DGKG: variants seen among roughly 807,000 people sequenced by gnomAD.
DGKG encodes the protein diacylglycerol kinase gamma.
Under a neutral mutation model 105.3 loss-of-function variants are expected in DGKG, and 78 were observed. The observed-to-expected ratio is 0.74, with a 90% CI of 0.62 to 0.89. The LOEUF (loss-of-function observed/expected upper bound fraction) is 0.89, where lower values mean the gene tolerates loss of function less well. Among genes scored for constraint, DGKG ranks in the 40% least tolerant of loss-of-function variants. The pLI, the probability that DGKG is intolerant of heterozygous loss-of-function variation, is 0.00. For synonymous variants in DGKG, 346 were observed against 367.1 expected, an observed-to-expected ratio of 0.94 and a Z score of 0.66; for missense variants, 958 against 1,020.1, an observed-to-expected ratio of 0.94 and a Z score of 0.83.
At position 186,222,019 on chromosome 3, in the gene DGKG, T is replaced by C. The variant is rs139082776; in HGVS notation, c.1827-10134A>G. 2.1e-3 allele frequency among the ~76,000 whole-genome samples: 313 copies of C among 152,322 alleles called. 3 individuals are homozygous for C. The highest frequency in any genetic ancestry group is 8.4e-3 in the Admixed American group (128 of 15,298). On this transcript the variant is annotated intron_variant, in intron 20 of 24. Transcript: ENST00000265022. Reference sequence around the variant, plus strand: ...GGGTCGCGCTCTTTTGATCCTCACGTCTACCCCCTGCGGTAGGTACTATGG... The same window carrying C: ...GGGTCGCGCTCTTTTGATCCTCACGCCTACCCCCTGCGGTAGGTACTATGG...
At chr3:186,331,243 C>T (rs1046381820) in intron 1 of DGKG, among the ~76,000 whole-genome samples, 2 of 152,172 alleles carry the variant, frequency 1.3e-5, no homozygotes, top group African/African-American at 2.4e-5. Flanking sequence ...ATGACAACAA[C>T]GGGGCCTTCC....
chr3:186,148,636 G>C lies in DGKG; in HGVS notation c.*1454C>G. 1.0e-6 allele frequency: 1 copy of C among 985,336 alleles called. No individual in the cohort carries two copies. Among genetic ancestry groups the C allele is most frequent in the East Asian group, 1.1e-4 (1 of 8,802 alleles). The allele number at this position is 985,336 out of a possible 1,614,324, so 61.0% of individuals were successfully genotyped here. On this transcript the variant is annotated 3_prime_UTR_variant, in exon 25 of 25. Transcript: ENST00000265022. Reference sequence around the variant, plus strand: ...TTGTAACGGCACCTACTCTCAAGCTGCATTAGCCAAGACACCATGGAAAAG... The same window carrying C: ...TTGTAACGGCACCTACTCTCAAGCTCCATTAGCCAAGACACCATGGAAAAG...
intron 1 of DGKG, among the ~76,000 whole-genome samples, chr3:186,327,159 GTCTCAAA>G (rs1285876891): frequency 6.6e-6 from 1 of 151,962 alleles, no homozygotes; most frequent in African/African-American, 2.4e-5. Context: ...GTGGGATCCC[GTCTCAAA>G]ACAAAAACAA....
At position 186,320,474 on chromosome 3, in the gene DGKG, T is replaced by C; in HGVS notation, c.-15A>G. The C allele has an allele frequency of 1.2e-6, 2 of 1,614,178 alleles. No individual in the cohort carries two copies. The highest frequency in any genetic ancestry group is 1.7e-6 in the Non-Finnish European group (2 of 1,180,018). ...TCTTCACCCATTTTTAAACTTTATG[T>C]GAGTGGCTAAAGGGCAGTGATGGAG... On this transcript the variant is annotated 5_prime_UTR_variant, in exon 2 of 25. Transcript: ENST00000265022.
At chr3:186,154,168 G>A (rs755316569) in intron 24 of DGKG, among the ~76,000 whole-genome samples, 1 of 152,160 alleles carries the variant, frequency 6.6e-6, no homozygotes, top group African/African-American at 2.4e-5. Context: ...TGCATAGAAA[G>A]GCACAAATCT....
intron 20 of DGKG, among the ~76,000 whole-genome samples, chr3:186,216,115 C>A (rs1719280516): frequency 6.6e-6 from 1 of 152,030 alleles, no homozygotes; most frequent in Non-Finnish European, 1.5e-5. Flanking sequence ...TCTCATGCCT[C>A]AGCCTCCTGA....
intron 2 of DGKG, among the ~76,000 whole-genome samples, chr3:186,315,673 A>AAT (rs1344644418): frequency 2.0e-5 from 3 of 152,214 alleles, no homozygotes; most frequent in Admixed American, 2.0e-4. Context: ...AAAAAAAAAA[A>AAT]AAATCTCTGC....
chr3:186,246,025 G>T (rs1720926235), intron 19 of DGKG, among the ~76,000 whole-genome samples: 1 of 152,030 alleles, frequency 6.6e-6, no homozygotes, highest in African/African-American at 2.4e-5. Context: ...AGCCTGGAGT[G>T]CAGTGCCATG....
chr3:186,185,378 A>G (rs890957020), intron 22 of DGKG, among the ~76,000 whole-genome samples: 3 of 152,194 alleles, frequency 2.0e-5, no homozygotes, highest in Non-Finnish European at 4.4e-5. Context: ...GATTTGGGGA[A>G]GAGAGTTCCT....
chr3:186,260,893 G>C (rs1469228273), intron 15 of DGKG, among the ~76,000 whole-genome samples: 1 of 152,238 alleles, frequency 6.6e-6, no homozygotes, highest in Admixed American at 6.5e-5. Flanking sequence ...GCCCTCTGCA[G>C]ACTGTACAAA....
chr3:186,161,433 A>C, intron 24 of DGKG, 170 bp downstream of exon 24: 2 of 1,441,040 alleles, frequency 1.4e-6, no homozygotes, highest in Non-Finnish European at 1.8e-6. Flanking sequence ...TTTCATTAAG[A>C]GTTGCCAGGT....
chr3:186,343,548 A>G (rs1449149337), intron 1 of DGKG, among the ~76,000 whole-genome samples: 1 of 152,090 alleles, frequency 6.6e-6, no homozygotes, highest in African/African-American at 2.4e-5. Flanking sequence ...CTGCCTCCCA[A>G]AGTGCTGGGA....
intron 17 of DGKG, 100 bp downstream of exon 17, chr3:186,257,754 C>A: frequency 1.2e-6 from 1 of 830,922 alleles, no homozygotes; most frequent in Non-Finnish European, 2.0e-6. Flanking sequence ...CAAGGATGAA[C>A]AGACATGGCT....
intron 20 of DGKG, among the ~76,000 whole-genome samples, chr3:186,213,730 G>A (rs73180315): frequency 6.6e-6 from 1 of 152,108 alleles, no homozygotes; most frequent in Non-Finnish European, 1.5e-5. Flanking sequence ...GTTGTGGAAC[G>A]GGGCCCAGGA....
At chr3:186,352,279 T>G (rs1726671249) in intron 1 of DGKG, among the ~76,000 whole-genome samples, 1 of 152,148 alleles carries the variant, frequency 6.6e-6, no homozygotes, top group Non-Finnish European at 1.5e-5. Context: ...CTGGGACAGC[T>G]CAGTTGCCAA....
chr3:186,224,460 C>T (rs1719751493), intron 20 of DGKG, among the ~76,000 whole-genome samples: 1 of 152,156 alleles, frequency 6.6e-6, no homozygotes, highest in Admixed American at 6.5e-5. Context: ...GCCACCATGC[C>T]CGCAGGCAGA....
At chr3:186,238,478 C>G (rs1189637925) in intron 20 of DGKG, among the ~76,000 whole-genome samples, 1 of 152,098 alleles carries the variant, frequency 6.6e-6, no homozygotes, top group East Asian at 1.9e-4. Flanking sequence ...AATACTTGAG[C>G]ACTATTTTTC....
At chr3:186,306,710 C>G in intron 3 of DGKG, 191 bp downstream of exon 3, 1 of 574,962 alleles carries the variant, frequency 1.7e-6, no homozygotes, top group Non-Finnish European at 3.1e-6. Flanking sequence ...TCTTCTAGGA[C>G]AGTGGAATGA....
At chr3:186,181,681 C>T (rs1490081426) in intron 22 of DGKG, among the ~76,000 whole-genome samples, 3 of 152,122 alleles carry the variant, frequency 2.0e-5, no homozygotes, top group Middle Eastern at 3.4e-3. Context: ...TGCAGTGAGC[C>T]GAGACTGCAC....
Sources: allele counts gnomAD v4.1 joint callset (sites outside exome capture counted in the v4.1 genomes callset), GRCh38; gene constraint gnomAD v4.1.1; transcripts MANE v1.5; gene names NCBI Gene and HGNC (gene_info 2026-07-23, HGNC 2026-07-21).